ST3GAL3: variants seen among roughly 807,000 people sequenced by gnomAD.
The protein encoded by ST3GAL3 is ST3 beta-galactoside alpha-2,3-sialyltransferase 3.
A neutral mutation model predicts 50.1 loss-of-function variants in ST3GAL3; 21 were observed. The observed-to-expected ratio is 0.42, with a 90% CI of 0.30 to 0.60. The LOEUF is 0.60. Ranked by LOEUF, ST3GAL3 falls within the 20% of genes least tolerant of loss-of-function variation. The pLI is 0.19. For synonymous variants in ST3GAL3, 183 were observed against 190.0 expected (o/e 0.96, Z 0.30); for missense variants, 353 against 489.4 (o/e 0.72, Z 2.63).
chr1:43,911,638 T>G (rs1266900587), intron 9 of ST3GAL3, among the ~76,000 whole-genome samples: 18 of 150,204 alleles, frequency 1.2e-4, no homozygotes, highest in African/African-American at 2.9e-4. Flanking sequence ...GATATCTATA[T>G]CTATAGATAT....
At chr1:43,708,319 A>G (rs1487731220) in intron 1 of ST3GAL3, among the ~76,000 whole-genome samples, 2 of 152,208 alleles carry the variant, frequency 1.3e-5, no homozygotes, top group African/African-American at 4.8e-5. Context: ...ATGATTCCTC[A>G]GTAAGCCTCA....
At chr1:43,846,556 G>A (rs1257041031) in intron 5 of ST3GAL3, among the ~76,000 whole-genome samples, 3 of 152,116 alleles carry the variant, frequency 2.0e-5, no homozygotes, top group Non-Finnish European at 2.9e-5. Flanking sequence ...GCTGTCCCAC[G>A]GGTGGTTGGG....
chr1:43,761,923 C>T (rs1324924023), intron 2 of ST3GAL3, among the ~76,000 whole-genome samples: 18 of 134,488 alleles, frequency 1.3e-4, no homozygotes, highest in Non-Finnish European at 2.1e-4. Context: ...TGCACTCCAG[C>T]CTGGGCAACA....
Position 43,742,307 on chromosome 1 carries a change from A to G in ST3GAL3, c.118+5927A>G, listed in dbSNP as rs537396645. On this transcript the variant is annotated intron_variant, in intron 2 of 11. Transcript: ENST00000347631. ...TACCCAAGAGTAAGATCTACCGTAG[A>G]CCCGCCCTAACAAGGCCTAAAGCCA... 5.3e-5 allele frequency among the ~76,000 whole-genome samples: 8 copies of G among 152,220 alleles called. No homozygotes were observed. The East Asian group carries it at 1.5e-3, about 29-fold the overall frequency.
intron 9 of ST3GAL3, chr1:43,914,745 A>AG (rs1005716099): frequency 5.2e-5 from 8 of 152,492 alleles, no homozygotes; most frequent in Non-Finnish European, 8.8e-5. Flanking sequence ...TGGTGTGTGC[A>AG]GGGCAGGCAC....
intron 2 of ST3GAL3, among the ~76,000 whole-genome samples, chr1:43,744,688 A>AAATAAATAAATAAATAAAT (rs1228939710): frequency 5.8e-5 from 7 of 120,268 alleles, no homozygotes; most frequent in Non-Finnish European, 7.4e-5. Context: ...ATAAATAAAT[A>AAATAAATAAATAAATAAAT]AAATAAAATA....
chr1:43,810,253 C>A (rs2060399492), intron 3 of ST3GAL3, among the ~76,000 whole-genome samples: 1 of 152,120 alleles, frequency 6.6e-6, no homozygotes, highest in African/African-American at 2.4e-5. Flanking sequence ...ATGAAAATCG[C>A]AGCAAAGTAT....
chr1:43,862,370 TG>T (rs1475756557), intron 5 of ST3GAL3, among the ~76,000 whole-genome samples: 2 of 152,216 alleles, frequency 1.3e-5, no homozygotes, highest in African/African-American at 4.8e-5. Context: ...CCTGAGACCT[TG>T]TCTAATTTTT....
chr1:43,722,561 C>T (rs534297043), intron 1 of ST3GAL3, among the ~76,000 whole-genome samples: 5 of 152,196 alleles, frequency 3.3e-5, no homozygotes, highest in Middle Eastern at 6.8e-3. Flanking sequence ...GCTTACTAGG[C>T]TATTGTAGTA....
intron 5 of ST3GAL3, among the ~76,000 whole-genome samples, chr1:43,880,712 G>A (rs531649847): frequency 6.6e-6 from 1 of 152,166 alleles, no homozygotes; most frequent in South Asian, 2.1e-4. Context: ...CCTGCAGTTG[G>A]TTCTGTCCTC....
At chr1:43,753,040 A>C (rs1157966863) in intron 2 of ST3GAL3, among the ~76,000 whole-genome samples, 1 of 152,242 alleles carries the variant, frequency 6.6e-6, no homozygotes, top group African/African-American at 2.4e-5. Context: ...ATCAGTACTC[A>C]TTGTAAAGGT....
At chr1:43,851,573 A>G in intron 5 of ST3GAL3, 1 of 1,498,838 alleles carries the variant, frequency 6.7e-7, no homozygotes, top group Non-Finnish European at 9.3e-7. Flanking sequence ...AGCTGGCGAA[A>G]TTCTCCGAGG....
At chr1:43,735,615 C>T (rs1388543670) in intron 1 of ST3GAL3, among the ~76,000 whole-genome samples, 1 of 152,200 alleles carries the variant, frequency 6.6e-6, no homozygotes, top group Admixed American at 6.5e-5. Context: ...CAGAAGGGAA[C>T]ACAGCCCTAC....
intron 9 of ST3GAL3, among the ~76,000 whole-genome samples, chr1:43,900,101 C>T (rs2078038263): frequency 6.6e-6 from 1 of 152,132 alleles, no homozygotes; most frequent in Non-Finnish European, 1.5e-5. Context: ...AATCTTTCTA[C>T]TTTCCTGCCC....
intron 9 of ST3GAL3, among the ~76,000 whole-genome samples, chr1:43,901,579 A>G (rs2078280587): frequency 6.6e-6 from 1 of 152,366 alleles, no homozygotes; most frequent in Non-Finnish European, 1.5e-5. Context: ...AGAACTCACT[A>G]TACTCAGGCT....
At chr1:43,889,528 T>C (rs1380182304) in intron 5 of ST3GAL3, among the ~76,000 whole-genome samples, 2 of 152,328 alleles carry the variant, frequency 1.3e-5, no homozygotes, top group South Asian at 4.1e-4. Context: ...AACTGGCAAA[T>C]GCAAAGTAAT....
chr1:43,909,730 G>T (rs867482369), intron 9 of ST3GAL3, among the ~76,000 whole-genome samples: 1 of 152,140 alleles, frequency 6.6e-6, no homozygotes, highest in African/African-American at 2.4e-5. Flanking sequence ...AAAGACTGCC[G>T]CACAACCTTG....
At chr1:43,755,464 T>C (rs1331867558) in intron 2 of ST3GAL3, among the ~76,000 whole-genome samples, 1 of 152,198 alleles carries the variant, frequency 6.6e-6, no homozygotes, top group Non-Finnish European at 1.5e-5. Flanking sequence ...TCAACTTAAG[T>C]ATACACATAT....
At chr1:43,755,562 A>G (rs1572193010) in intron 2 of ST3GAL3, among the ~76,000 whole-genome samples, 1 of 152,216 alleles carries the variant, frequency 6.6e-6, no homozygotes, top group African/African-American at 2.4e-5. Context: ...TAGAGGATGA[A>G]TGTATTTCCT....
Sources: gnomAD v4.1 joint callset for allele counts (sites outside exome capture counted in the v4.1 genomes callset) on GRCh38, gnomAD v4.1.1 for gene constraint, MANE v1.5 for transcripts, NCBI Gene and HGNC (gene_info 2026-07-23, HGNC 2026-07-21) for gene names.